CENPP: variants seen among roughly 807,000 people sequenced by gnomAD.
CENPP encodes the protein centromere protein P.
In CENPP, 24 loss-of-function variants were observed where a neutral mutation model predicts 35.6. The observed-to-expected ratio is 0.67, with a 90% CI of 0.49 to 0.95. The LOEUF (loss-of-function observed/expected upper bound fraction) is 0.95, where lower values mean the gene tolerates loss of function less well. Ranked by LOEUF, CENPP falls within the 40% of genes least tolerant of loss-of-function variation. CENPP has a pLI of 0.00. For missense variants in CENPP, 332 were observed against 345.3 expected (o/e 0.96, Z 0.31); for synonymous variants, 120 against 125.5 (o/e 0.96, Z 0.29).
At chr9:92,488,419 A>G (rs1846109525) in intron 5 of CENPP, among the ~76,000 whole-genome samples, 1 of 152,230 alleles carries the variant, frequency 6.6e-6, no homozygotes, top group South Asian at 2.1e-4. Flanking sequence ...TAACTTGGGT[A>G]TATGAATACT....
chr9:92,435,810 C>G (rs1844232381), intron 5 of CENPP, among the ~76,000 whole-genome samples: 1 of 152,176 alleles, frequency 6.6e-6, no homozygotes, highest in Non-Finnish European at 1.5e-5. Context: ...TAACTGTCCA[C>G]TGAAAAAACA....
At chr9:92,466,117 G>A (rs576939423) in intron 5 of CENPP, among the ~76,000 whole-genome samples, 1 of 152,294 alleles carries the variant, frequency 6.6e-6, no homozygotes, top group African/African-American at 2.4e-5. Flanking sequence ...ACAAGCGTGA[G>A]CCACCAGGCC....
chr9:92,351,681 C>T (rs1013405475), intron 4 of CENPP, among the ~76,000 whole-genome samples: 10 of 151,964 alleles, frequency 6.6e-5, no homozygotes, highest in African/African-American at 2.2e-4. Flanking sequence ...CCCAGGCAGG[C>T]GTGCAGTGGT....
intron 5 of CENPP, chr9:92,404,652 T>C (rs554929551): frequency 7.9e-7 from 1 of 1,266,856 alleles, no homozygotes; most frequent in South Asian, 1.4e-5. Context: ...ACAGTTTCCA[T>C]GTGGTAGAGA....
intron 5 of CENPP, chr9:92,496,624 C>G (rs1392819566): frequency 2.9e-6 from 3 of 1,035,350 alleles, no homozygotes; most frequent in Non-Finnish European, 3.9e-6. Context: ...CCAACTACGT[C>G]AGAGATTCAA....
At chr9:92,415,220 G>A in intron 5 of CENPP, 1 of 1,613,832 alleles carries the variant, frequency 6.2e-7, no homozygotes, top group Non-Finnish European at 8.5e-7. Flanking sequence ...GGGCTCTCAT[G>A]AGCATTGTCA....
intron 5 of CENPP, chr9:92,510,017 CATTAACTTCTTCAGAAGCTTAAAAAGCAA>C (rs1847241132): frequency 6.2e-7 from 1 of 1,600,702 alleles, no homozygotes; most frequent in Non-Finnish European, 8.5e-7. Context: ...TATTCAAACG[CATTAACTTCTTCAGAAGCTTAAAAAGCAA>C]ATCTCAAAGT....
chr9:92,543,409 T>C (rs150971651), intron 5 of CENPP, among the ~76,000 whole-genome samples: 1 of 140,496 alleles, frequency 7.1e-6, no homozygotes, highest in South Asian at 2.2e-4. Context: ...GAGGTGGAGG[T>C]TGCAGTGAGC....
chr9:92,582,116 T>C (rs1318861722), intron 5 of CENPP, among the ~76,000 whole-genome samples: 1 of 152,190 alleles, frequency 6.6e-6, no homozygotes, highest in Non-Finnish European at 1.5e-5. Context: ...TGCAGTGGCA[T>C]GATCTTGGCT....
chr9:92,391,764 G>T (rs1842697605), intron 5 of CENPP, among the ~76,000 whole-genome samples: 1 of 152,196 alleles, frequency 6.6e-6, no homozygotes. Context: ...AACCTCAGAT[G>T]GGAATGTGCA....
intron 5 of CENPP, among the ~76,000 whole-genome samples, chr9:92,433,667 A>G (rs1258809947): frequency 6.6e-6 from 1 of 152,174 alleles, no homozygotes; most frequent in Non-Finnish European, 1.5e-5. Flanking sequence ...GTGATAGCTC[A>G]CGGCCTATAA....
intron 5 of CENPP, among the ~76,000 whole-genome samples, chr9:92,528,825 C>G (rs747812843): frequency 6.6e-6 from 1 of 152,114 alleles, no homozygotes. Context: ...GTTTTAGGAT[C>G]CAATGTAAAT....
chr9:92,512,047 A>G (rs1472651016), intron 5 of CENPP: 3 of 1,613,498 alleles, frequency 1.9e-6, no homozygotes, highest in Non-Finnish European at 1.7e-6. Flanking sequence ...AAGAAGTGAT[A>G]TTATTTTTAC....
intron 5 of CENPP, among the ~76,000 whole-genome samples, chr9:92,568,187 T>A (rs915193243): frequency 6.6e-6 from 1 of 151,644 alleles, no homozygotes; most frequent in Non-Finnish European, 1.5e-5. Flanking sequence ...CTGTACTCGT[T>A]AACTCAACAT....
At chr9:92,565,028 T>C (rs1849931576) in intron 5 of CENPP, among the ~76,000 whole-genome samples, 2 of 152,120 alleles carry the variant, frequency 1.3e-5, no homozygotes, top group East Asian at 1.9e-4. Flanking sequence ...TGATTATCAA[T>C]AGAAGATTGG....
chr9:92,589,922 A>G (rs1234884213), intron 5 of CENPP, among the ~76,000 whole-genome samples: 2 of 152,116 alleles, frequency 1.3e-5, no homozygotes, highest in South Asian at 2.1e-4. Context: ...TGATGTTTTT[A>G]TTATGTTTAA....
chr9:92,361,128 CTTTA>C (rs536927713), intron 4 of CENPP, among the ~76,000 whole-genome samples: 33 of 150,582 alleles, frequency 2.2e-4, no homozygotes, highest in African/African-American at 5.8e-4. Flanking sequence ...TATTATTTTA[CTTTA>C]TTTATTTATT....
At chr9:92,492,954 C>T (rs1846214207) in intron 5 of CENPP, among the ~76,000 whole-genome samples, 1 of 152,164 alleles carries the variant, frequency 6.6e-6, no homozygotes, top group Non-Finnish European at 1.5e-5. Flanking sequence ...GGTCAGGGGC[C>T]CAGCAGTCTG....
Position 92,476,489 on chromosome 9 carries a change from A to G in CENPP, c.564+96630A>G, listed in dbSNP as rs953797864. On this transcript the variant is annotated intron_variant, in intron 5 of 7. Transcript: ENST00000375587. This position sits in a 1 kb window ranked among gnomAD's most constrained non-coding sequence, Gnocchi z 4.1. ...CTTTATTTAATTTCTCATATGCTCC[A>G]AAAATCTAAATGGTGGCATGAACAT... Among the ~76,000 whole-genome samples, 1 of 152,180 alleles carries G rather than the reference A, an allele frequency of 6.6e-6. No individual in the cohort carries two copies. Among genetic ancestry groups the G allele is most frequent in the Non-Finnish European group, 1.5e-5 (1 of 68,026 alleles).
Sources: allele counts gnomAD v4.1 joint callset (sites outside exome capture counted in the v4.1 genomes callset), GRCh38; gene constraint gnomAD v4.1.1; non-coding constraint Gnocchi (gnomAD v3.1); transcripts MANE v1.5; gene names NCBI Gene and HGNC (gene_info 2026-07-23, HGNC 2026-07-21).